Variants in DCP2 observed in about 807,000 individuals in gnomAD.
DCP2 encodes m7GpppN-mRNA hydrolase.
Under a neutral mutation model 56.1 loss-of-function variants are expected in DCP2, and 30 were observed. The ratio of observed to expected loss-of-function variants is 0.53; its 90% confidence interval spans 0.40 to 0.73. The LOEUF (loss-of-function observed/expected upper bound fraction) is 0.73, where lower values mean the gene tolerates loss of function less well. DCP2 is among the 30% of genes least tolerant of loss of function. The pLI is 0.00. For missense variants in DCP2, 533 were observed against 502.7 expected (o/e 1.06, Z -0.58); for synonymous variants, 197 against 163.3 (o/e 1.21, Z -1.57).
rs1018681066 is a variant in DCP2 at position 113,000,979 on chromosome 5, C to T, written c.433-105C>T. 4 of 1,104,126 alleles carry T rather than the reference C, an allele frequency of 3.6e-6. No individual in the cohort carries two copies. In the African/African-American group the frequency reaches 6.3e-5, roughly 17 times the overall value. 68.4% of individuals were successfully genotyped at this position (1,104,126 alleles called of 1,614,324 possible). A position where few individuals can be genotyped will look rare whatever the true frequency, so the allele number is the denominator to read the frequency against. ...CTGTCATTTCTAGAAATAGTAAATA[C>T]AAGTCATGTCCCCTTTTTCTGAGTT... On this transcript the variant is annotated intron_variant, in intron 4 of 10. Transcript: ENST00000389063.
At chr5:113,004,634 A>T (rs142420941) in intron 8 of DCP2, among the ~76,000 whole-genome samples, 1 of 152,280 alleles carries the variant, frequency 6.6e-6, no homozygotes, top group East Asian at 1.9e-4. Context: ...CTGTGTAACT[A>T]AAAGGAAAGA....
At chr5:113,006,831 C>T (rs1045587564) in intron 8 of DCP2, among the ~76,000 whole-genome samples, 3 of 152,114 alleles carry the variant, frequency 2.0e-5, no homozygotes, top group African/African-American at 7.2e-5. Flanking sequence ...TAATGGCCCA[C>T]ATTTTAAAAC....
intron 2 of DCP2, among the ~76,000 whole-genome samples, chr5:112,989,635 T>C (rs925562299): frequency 1.3e-5 from 2 of 152,156 alleles, no homozygotes; most frequent in Admixed American, 6.5e-5. Flanking sequence ...AAAAAACTTA[T>C]TTTGGGAAAA....
chr5:112,993,954 TTTTATTTATTTA>T (rs547535354), intron 4 of DCP2, among the ~76,000 whole-genome samples: 1 of 151,584 alleles, frequency 6.6e-6, no homozygotes, highest in African/African-American at 2.4e-5. Flanking sequence ...TAGTTTTAAT[TTTTATTTATTTA>T]TTTATTTATT....
In DCP2 at chr5:113,021,790, G is replaced by GCATT. The variant is rs2150200444; in HGVS notation, c.*8306_*8307insCATT. On this transcript the variant is annotated 3_prime_UTR_variant, in exon 11 of 11. Coordinates refer to ENST00000389063, the MANE Select transcript of DCP2 (RefSeq NM_152624.6). ...TTGCAAAGCTGCTTGCCATCTTGTT[G>GCATT]TCCTATATGACTTCCTTGCATTTCC... Among the ~76,000 whole-genome samples the GCATT allele has an allele frequency of 6.6e-6, 1 of 152,260 alleles. No homozygotes were observed. The highest frequency in any genetic ancestry group is 1.5e-5 in the Non-Finnish European group (1 of 68,008).
chr5:112,994,338 A>AT lies in DCP2; in HGVS notation c.432+1578dup, dbSNP rs1183838516. Reference sequence around the variant, plus strand: ...AGTTGCATGCCACCATGCCCAGCTAATTTTTTTTTTATTTTTAATGGTGGG... The same window carrying AT: ...AGTTGCATGCCACCATGCCCAGCTAATTTTTTTTTTTATTTTTAATGGTGGG... On this transcript the variant is annotated intron_variant, in intron 4 of 10. Transcript: ENST00000389063. Among the ~76,000 whole-genome samples, 1,308 of 145,528 alleles carry AT rather than the reference A, an allele frequency of 9.0e-3. 21 individuals are homozygous for AT. The highest frequency in any genetic ancestry group is 0.031 in the African/African-American group (1,226 of 39,668).
intron 1 of DCP2, among the ~76,000 whole-genome samples, chr5:112,983,462 A>G (rs1029269414): frequency 9.2e-5 from 14 of 152,222 alleles, no homozygotes; most frequent in Non-Finnish European, 1.5e-5. Context: ...GCTGAATTTG[A>G]ACTCCTTGGC....
At position 112,987,695 on chromosome 5, in the gene DCP2, A is replaced by T. The variant is rs1049199142; in HGVS notation, c.205+1709A>T. Among the ~76,000 whole-genome samples, 6 of 141,234 alleles carry T rather than the reference A, an allele frequency of 4.2e-5. No individual in the cohort carries two copies. In the East Asian group the frequency reaches 1.3e-3, roughly 29 times the overall value. The allele number at this position is 141,234 out of a possible 152,430, so 92.7% of individuals were successfully genotyped here. ...TGCCATGCTGGCCAGGCTGGTCTCA[A>T]ACTCCTGCCGTCAAGTGATCCACCT... On this transcript the variant is annotated intron_variant, in intron 2 of 10. Coordinates refer to ENST00000389063, the MANE Select transcript of DCP2 (RefSeq NM_152624.6).
rs1749787064 is a variant in DCP2 at position 113,014,061 on chromosome 5, TGC to T, written c.*578_*579del. 1 of 152,312 alleles carries T rather than the reference TGC, an allele frequency of 6.6e-6. No individual in the cohort carries two copies. The highest frequency in any genetic ancestry group is 1.5e-5 in the Non-Finnish European group (1 of 68,124). 9.4% of individuals were successfully genotyped at this position (152,312 alleles called of 1,614,324 possible). ...ATTGAGCAGCTTCTGGAATATAATGTGCATGTCCAAAATGAACTCAGCGCTTC... is the reference window on the plus strand; with the variant it reads ...ATTGAGCAGCTTCTGGAATATAATGTATGTCCAAAATGAACTCAGCGCTTC... On this transcript the variant is annotated 3_prime_UTR_variant, in exon 11 of 11. Coordinates refer to ENST00000389063, the MANE Select transcript of DCP2 (RefSeq NM_152624.6).
chr5:112,997,352 A>C (rs1748907749), intron 4 of DCP2, among the ~76,000 whole-genome samples: 1 of 152,234 alleles, frequency 6.6e-6, no homozygotes, highest in Non-Finnish European at 1.5e-5. Flanking sequence ...CTTTCTTGAG[A>C]ATAAGCGAAT....
At position 113,018,167 on chromosome 5, in the gene DCP2, A is replaced by G. The variant is rs1749966967; in HGVS notation, c.*4683A>G. The G allele has an allele frequency of 6.6e-6, 1 of 152,232 alleles. No individual in the cohort carries two copies. The highest frequency in any genetic ancestry group is 2.4e-5 in the African/African-American group (1 of 41,458). 9.4% of individuals were successfully genotyped at this position (152,232 alleles called of 1,614,324 possible). On this transcript the variant is annotated 3_prime_UTR_variant, in exon 11 of 11. Transcript: ENST00000389063. ...TTCCTTGTGACAAATAGCATTTACTATTGAAATAGTCTTAAAATAGGGAAA... is the reference window on the plus strand; with the variant it reads ...TTCCTTGTGACAAATAGCATTTACTGTTGAAATAGTCTTAAAATAGGGAAA...
intron 1 of DCP2, among the ~76,000 whole-genome samples, chr5:112,980,142 TAC>T (rs1228771915): frequency 6.6e-6 from 1 of 152,186 alleles, no homozygotes. Flanking sequence ...AAAACTCAAA[TAC>T]AGAGTTTTTC....
intron 4 of DCP2, among the ~76,000 whole-genome samples, chr5:112,993,462 T>TA (rs1262330087): frequency 6.6e-6 from 1 of 151,780 alleles, no homozygotes; most frequent in Non-Finnish European, 1.5e-5. Context: ...CCGTCTCTGC[T>TA]AAAAATACAA....
chr5:112,995,890 G>T (rs908452684), intron 4 of DCP2, among the ~76,000 whole-genome samples: 1 of 152,194 alleles, frequency 6.6e-6, no homozygotes, highest in Non-Finnish European at 1.5e-5. Context: ...ACGCTGGGAA[G>T]TCCAAGAGCA....
chr5:113,004,727 G>T (rs1405068715), intron 8 of DCP2, among the ~76,000 whole-genome samples: 1 of 151,794 alleles, frequency 6.6e-6, no homozygotes, highest in African/African-American at 2.4e-5. Context: ...TATATCCTCA[G>T]CAAAATACAT....
At chr5:112,985,502 G>A (rs1298398509) in intron 1 of DCP2, among the ~76,000 whole-genome samples, 2 of 152,178 alleles carry the variant, frequency 1.3e-5, no homozygotes, top group East Asian at 3.9e-4. Context: ...ATATTTACCT[G>A]TATTCTTGGA....
Position 113,021,916 on chromosome 5 carries a change from C to T in DCP2, c.*8432C>T, listed in dbSNP as rs1351251648. 6.6e-6 allele frequency among the ~76,000 whole-genome samples: 1 copy of T among 152,156 alleles called. No homozygotes were observed. The highest frequency in any genetic ancestry group is 2.4e-5 in the African/African-American group (1 of 41,442). On this transcript the variant is annotated 3_prime_UTR_variant, in exon 11 of 11. Transcript: ENST00000389063. ...TTTATGCCAAATTTTAAAAAGCCAACTAAAAATGGGCTATAAATGAGGGTT... is the reference window on the plus strand; with the variant it reads ...TTTATGCCAAATTTTAAAAAGCCAATTAAAAATGGGCTATAAATGAGGGTT...
chr5:113,003,351 T>C (rs73235110), intron 7 of DCP2, among the ~76,000 whole-genome samples: 3,127 of 152,298 alleles, frequency 0.021, 102 homozygotes, highest in African/African-American at 0.072. Flanking sequence ...TTTTATACTT[T>C]AGAGGGTAGC....
rs970016257 is a variant in DCP2 at position 113,021,520 on chromosome 5, A to C, written c.*8036A>C. On this transcript the variant is annotated 3_prime_UTR_variant, in exon 11 of 11. Coordinates refer to ENST00000389063, the MANE Select transcript of DCP2 (RefSeq NM_152624.6). ...AGGGCTTGAGATGTGAATTCATTAG[A>C]TATTTAAAATCCAGCAATTCTTAAG... Among the ~76,000 whole-genome samples, 8 of 152,170 alleles carry C rather than the reference A, an allele frequency of 5.3e-5. No homozygotes were observed. The highest frequency in any genetic ancestry group is 8.8e-5 in the Non-Finnish European group (6 of 68,028).
Sources: gnomAD v4.1 joint callset for allele counts (sites outside exome capture counted in the v4.1 genomes callset) on GRCh38, gnomAD v4.1.1 for gene constraint, MANE v1.5 for transcripts, NCBI Gene and HGNC (gene_info 2026-07-23, HGNC 2026-07-21) for gene names.